The following TAOK1 variants were observed in gnomAD, a reference collection of about 807,000 sequenced individuals.
TAOK1 encodes TAO kinase 1.
Under a neutral mutation model 138.3 loss-of-function variants are expected in TAOK1, and 21 were observed. That is an observed-to-expected ratio of 0.15 (90% CI 0.11 to 0.22). The LOEUF (loss-of-function observed/expected upper bound fraction) is 0.22. TAOK1 is among the 10% of genes least tolerant of loss of function. The pLI is 1.00. For synonymous variants in TAOK1, 361 were observed against 398.4 expected (o/e 0.91, Z 1.12); for missense variants, 651 against 1,227.7 (o/e 0.53, Z 7.02).
chr17:29,472,501 C>G (rs2030844029), intron 3 of TAOK1, among the ~76,000 whole-genome samples: 1 of 151,926 alleles, frequency 6.6e-6, no homozygotes, highest in African/African-American at 2.4e-5. Flanking sequence ...GATCCACCTG[C>G]CTCGGCCTCC....
chr17:29,534,831 T>C lies in TAOK1; in HGVS notation c.2544+531T>C, dbSNP rs76043945. ...AAAGTCAGGCTGAAAAAATGTTATT[T>C]CTAGATGCACATCTTTACTTTTTTC... On this transcript the variant is annotated intron_variant, in intron 19 of 19. Coordinates refer to ENST00000261716, the MANE Select transcript of TAOK1 (RefSeq NM_020791.4). Among the ~76,000 whole-genome samples the C allele has an allele frequency of 7.9e-5, 12 of 152,318 alleles. No individual in the cohort carries two copies. The East Asian group carries it at 1.2e-3, about 15-fold the overall frequency.
chr17:29,451,712 A>T (rs771601423), intron 2 of TAOK1, 32 bp downstream of exon 2: 8 of 1,599,920 alleles, frequency 5.0e-6, no homozygotes, highest in East Asian at 4.5e-5. Context: ...TCAGTGACTA[A>T]AATTTACTTA....
At chr17:29,395,220 G>GC (rs1904558473) in intron 1 of TAOK1, among the ~76,000 whole-genome samples, 2 of 152,118 alleles carry the variant, frequency 1.3e-5, no homozygotes, top group Admixed American at 6.6e-5. Flanking sequence ...CTCTAGCCTG[G>GC]GTGACAGAGT....
chr17:29,402,355 C>A (rs1904873517), intron 1 of TAOK1, among the ~76,000 whole-genome samples: 1 of 152,250 alleles, frequency 6.6e-6, no homozygotes, highest in East Asian at 1.9e-4. Context: ...ATGCTAGAGT[C>A]CAGTGGCACA....
intron 19 of TAOK1, among the ~76,000 whole-genome samples, chr17:29,540,237 A>G (rs1188824212): frequency 6.6e-6 from 1 of 152,240 alleles, no homozygotes; most frequent in African/African-American, 2.4e-5. Context: ...AACATGGAAT[A>G]TTCTTCTCAG....
intron 12 of TAOK1, among the ~76,000 whole-genome samples, chr17:29,500,418 C>T (rs2031502572): frequency 6.6e-6 from 1 of 151,988 alleles, no homozygotes; most frequent in African/African-American, 2.4e-5. Context: ...GGAAACAACC[C>T]AAATTATTCA....
At position 29,478,485 on chromosome 17, in the gene TAOK1, T is replaced by C. The variant is rs1283891225; in HGVS notation, c.449+138T>C. ...AGCTCATATTTTTTTAGATTTTTCA[T>C]GTCCTAAAATGAACATAGTTGTATA... On this transcript the variant is annotated intron_variant, in intron 6 of 19. Transcript: ENST00000261716. 1.9e-5 allele frequency: 10 copies of C among 517,628 alleles called. No individual in the cohort carries two copies. The East Asian group carries it at 3.1e-4, about 16-fold the overall frequency. 32.1% of individuals were successfully genotyped at this position (517,628 alleles called of 1,614,324 possible).
At chr17:29,475,077 A>G (rs568529953) in intron 3 of TAOK1, among the ~76,000 whole-genome samples, 1 of 151,890 alleles carries the variant, frequency 6.6e-6, no homozygotes, top group African/African-American at 2.4e-5. Context: ...AGTACCTGGG[A>G]CTATAGGTGC....
chr17:29,485,854 A>C (rs927170352), intron 8 of TAOK1, among the ~76,000 whole-genome samples: 14 of 152,226 alleles, frequency 9.2e-5, no homozygotes, highest in African/African-American at 3.1e-4. Flanking sequence ...TAGACCGTTC[A>C]GTTCTTCTAT....
At chr17:29,430,794 A>T (rs1408753915) in intron 1 of TAOK1, among the ~76,000 whole-genome samples, 1 of 152,106 alleles carries the variant, frequency 6.6e-6, no homozygotes, top group South Asian at 2.1e-4. Context: ...TAACTGCTTC[A>T]TGCTGATTTG....
chr17:29,441,131 C>T (rs1567719247), intron 1 of TAOK1, among the ~76,000 whole-genome samples: 1 of 152,096 alleles, frequency 6.6e-6, no homozygotes. Flanking sequence ...GGGTATTGGT[C>T]TGTAATTTTT....
At chr17:29,429,003 C>A (rs1451390974) in intron 1 of TAOK1, among the ~76,000 whole-genome samples, 1 of 152,048 alleles carries the variant, frequency 6.6e-6, no homozygotes, top group East Asian at 1.9e-4. Flanking sequence ...ATTCCCTTCC[C>A]TATTAAACAG....
At chr17:29,442,698 T>C (rs1341560529) in intron 1 of TAOK1, among the ~76,000 whole-genome samples, 2 of 152,178 alleles carry the variant, frequency 1.3e-5, no homozygotes, top group Non-Finnish European at 2.9e-5. Context: ...GTAATTGTGA[T>C]GTATAAGTTT....
intron 1 of TAOK1, among the ~76,000 whole-genome samples, chr17:29,399,034 T>C (rs1904754366): frequency 1.3e-5 from 2 of 151,272 alleles, no homozygotes; most frequent in Admixed American, 1.3e-4. Flanking sequence ...TCACCCAGAC[T>C]GGAGTGCAGT....
chr17:29,484,692 C>T (rs1231616604), intron 8 of TAOK1, among the ~76,000 whole-genome samples: 1 of 152,050 alleles, frequency 6.6e-6, no homozygotes, highest in Non-Finnish European at 1.5e-5. Flanking sequence ...GCAACCTCCG[C>T]CTCCTGGGTT....
intron 19 of TAOK1, among the ~76,000 whole-genome samples, chr17:29,534,609 T>C (rs2032190868): frequency 6.6e-6 from 1 of 152,200 alleles, no homozygotes; most frequent in South Asian, 2.1e-4. Context: ...CTCACTTCTG[T>C]GTTCCTAGCT....
At chr17:29,530,044 G>A (rs1304934135) in intron 17 of TAOK1, among the ~76,000 whole-genome samples, 2 of 151,378 alleles carry the variant, frequency 1.3e-5, no homozygotes, top group Admixed American at 1.3e-4. Context: ...AAAAGAAAAA[G>A]AAAAAGAAAA....
chr17:29,397,495 C>T (rs1252310346), intron 1 of TAOK1, among the ~76,000 whole-genome samples: 1 of 150,532 alleles, frequency 6.6e-6, no homozygotes, highest in Non-Finnish European at 1.5e-5. Flanking sequence ...CTCAGCTACT[C>T]AGGAAGTTGA....
At chr17:29,496,579 CTTT>C (rs748595265) in intron 11 of TAOK1, among the ~76,000 whole-genome samples, 361 of 87,852 alleles carry the variant, frequency 4.1e-3, no homozygotes, top group Non-Finnish European at 6.1e-3. Flanking sequence ...CCATCTACAC[CTTT>C]TTTTTTTTTT....
Sources: allele counts gnomAD v4.1 joint callset (sites outside exome capture counted in the v4.1 genomes callset), GRCh38; gene constraint gnomAD v4.1.1; transcripts MANE v1.5; gene names NCBI Gene and HGNC (gene_info 2026-07-23, HGNC 2026-07-21).